The following BCL11A variants were observed in gnomAD, a reference collection of about 807,000 sequenced individuals.
BCL11A encodes the protein BCL11 transcription factor A, also known as B cell CLL/lymphoma 11A.
In BCL11A, 2 loss-of-function variants were observed where a neutral mutation model predicts 55.9. That is an observed-to-expected ratio of 0.04 (90% CI 0.01 to 0.11). The LOEUF is 0.11. Among genes scored for constraint, BCL11A ranks in the 10% least tolerant of loss-of-function variants. The probability of loss-of-function intolerance (pLI) is 1.00; values close to 1 mark genes in which losing one functional copy is unlikely to be tolerated. For synonymous variants in BCL11A, 465 were observed against 473.4 expected (o/e 0.98, Z 0.23); for missense variants, 817 against 1,137.1 (o/e 0.72, Z 4.05).
At chr2:60,509,208 C>G (rs865952181) in intron 2 of BCL11A, among the ~76,000 whole-genome samples, 1 of 152,224 alleles carries the variant, frequency 6.6e-6, no homozygotes, top group African/African-American at 2.4e-5. Context: ...CTTTGGCTGG[C>G]TTGGATGTTA....
At chr2:60,545,734 G>A (rs1187909843) in intron 2 of BCL11A, 2 of 503,166 alleles carry the variant, frequency 4.0e-6, no homozygotes, top group Non-Finnish European at 7.1e-6. Context: ...CAGAGAGAAG[G>A]TGTCTGATGT....
chr2:60,550,374 A>G (rs1348752656), intron 1 of BCL11A, among the ~76,000 whole-genome samples: 3 of 152,164 alleles, frequency 2.0e-5, no homozygotes, highest in Admixed American at 6.5e-5. Flanking sequence ...GGGGAGAGAA[A>G]GGGAATTCTG....
Position 60,457,502 on chromosome 2 carries a change from T to C in BCL11A, c.*2902A>G. ...TTCAAGTTACGACAAACAGCTTTCA[T>C]TACAGGAATAGAAAAGGCCAATAAC... On this transcript the variant is annotated 3_prime_UTR_variant, in exon 4 of 4. Transcript: ENST00000642384. 1 of 1,044,496 alleles carries C rather than the reference T, an allele frequency of 9.6e-7. No individual in the cohort carries two copies. Among genetic ancestry groups the C allele is most frequent in the Non-Finnish European group, 1.2e-6 (1 of 865,832 alleles). 64.7% of individuals were successfully genotyped at this position (1,044,496 alleles called of 1,614,324 possible).
chr2:60,491,398 C>A (rs1277317158), intron 2 of BCL11A, among the ~76,000 whole-genome samples: 1 of 152,132 alleles, frequency 6.6e-6, no homozygotes, highest in Admixed American at 6.5e-5. Context: ...CCCGGCCAGG[C>A]GCTGTGGCTC....
chr2:60,480,866 C>T (rs905155750), intron 2 of BCL11A, among the ~76,000 whole-genome samples: 1 of 152,132 alleles, frequency 6.6e-6, no homozygotes, highest in African/African-American at 2.4e-5. Flanking sequence ...CCTGCACCCC[C>T]ATCTCTGTCC....
intron 2 of BCL11A, among the ~76,000 whole-genome samples, chr2:60,512,999 G>A (rs991399785): frequency 1.3e-5 from 2 of 152,036 alleles, no homozygotes; most frequent in East Asian, 3.9e-4. Context: ...AACAGCTGAC[G>A]AGTCACAGTG....
chr2:60,506,720 C>T (rs766829824), intron 2 of BCL11A, among the ~76,000 whole-genome samples: 4 of 152,236 alleles, frequency 2.6e-5, no homozygotes, highest in Admixed American at 6.5e-5. Context: ...CATGTTTCCT[C>T]CTAAACGCCT....
intron 3 of BCL11A, among the ~76,000 whole-genome samples, chr2:60,463,922 GA>G (rs5831583): frequency 0.52 from 75,166 of 145,526 alleles, 19,193 homozygotes; most frequent in East Asian, 0.76. Context: ...TTCTAAGAAG[GA>G]AAAAAAAAAA....
At chr2:60,463,057 G>A (rs1164808836) in intron 3 of BCL11A, among the ~76,000 whole-genome samples, 1 of 152,172 alleles carries the variant, frequency 6.6e-6, no homozygotes, top group African/African-American at 2.4e-5. Context: ...AAATACTTCC[G>A]TGGAAAAAAG....
intron 2 of BCL11A, chr2:60,544,798 C>T (rs1361738286): frequency 6.6e-6 from 1 of 152,256 alleles, no homozygotes; most frequent in African/African-American, 2.4e-5. Flanking sequence ...CACCAACAGG[C>T]ATGGCATGTC....
At position 60,460,265 on chromosome 2, in the gene BCL11A, C is replaced by CTGTT. The variant is rs201706698; in HGVS notation, c.*135_*138dup. 23,964 of 1,423,622 alleles carry CTGTT rather than the reference C, an allele frequency of 0.017. 229 individuals are homozygous for CTGTT. The highest frequency in any genetic ancestry group is 0.019 in the Non-Finnish European group (20,711 of 1,089,578). The allele number at this position is 1,423,622 out of a possible 1,614,324, so 88.2% of individuals were successfully genotyped here. On this transcript the variant is annotated 3_prime_UTR_variant, in exon 4 of 4. Coordinates refer to ENST00000642384, the MANE Select transcript of BCL11A (RefSeq NM_022893.4). ...TCTCATATTCTTAGCTTCGTTACTT[C>CTGTT]TGTTTGTTTGTTTGTTTGTTTAAAT...
intron 1 of BCL11A, among the ~76,000 whole-genome samples, chr2:60,552,766 T>C (rs1187710601): frequency 1.4e-5 from 2 of 145,292 alleles, no homozygotes; most frequent in African/African-American, 5.0e-5. Flanking sequence ...ACTCCCTCCC[T>C]ACCCCCCCAT....
intron 1 of BCL11A, among the ~76,000 whole-genome samples, chr2:60,550,106 G>C (rs1288059998): frequency 1.3e-5 from 2 of 152,054 alleles, no homozygotes; most frequent in East Asian, 1.9e-4. Context: ...AAGAAGTGAG[G>C]CTGGAGACCA....
intron 2 of BCL11A, among the ~76,000 whole-genome samples, chr2:60,504,546 G>GA (rs1384463428): frequency 1.3e-5 from 2 of 152,144 alleles, no homozygotes; most frequent in Non-Finnish European, 2.9e-5. Flanking sequence ...GGGACACCCA[G>GA]AAAAAATAAT....
At chr2:60,528,649 G>C (rs1179802404) in intron 2 of BCL11A, 2 of 152,340 alleles carry the variant, frequency 1.3e-5, no homozygotes, top group African/African-American at 4.8e-5. Context: ...GTAGCAGAGG[G>C]TGGCGGCCGC....
In BCL11A at chr2:60,539,561, A is replaced by T. The variant is rs764963544; in HGVS notation, c.385+6410T>A. Among the ~76,000 whole-genome samples the T allele has an allele frequency of 2.8e-4, 43 of 152,368 alleles. 1 individual carries two copies. Among genetic ancestry groups the T allele is most frequent in the Admixed American group, 1.9e-3 (29 of 15,310 alleles). ...CAAATTCCAATGAACCCAATATGGA[A>T]TAAGTTACATTTTAAAACTGATTAG... is the stretch of plus-strand genomic sequence containing the variant. On this transcript the variant is annotated intron_variant, in intron 2 of 3. Coordinates refer to ENST00000642384, the MANE Select transcript of BCL11A (RefSeq NM_022893.4).
rs1230103288 is a variant in BCL11A at position 60,467,885 on chromosome 2, G to GTAA, written c.487+846_487+847insTTA. On this transcript the variant is annotated intron_variant, in intron 3 of 3. Transcript: ENST00000642384. ...GATGGTACTGGTGGTGATGGTGGTGGTGGTAGTGATGGTGGTGGTAATGGT... is the reference window on the plus strand; with the variant it reads ...GATGGTACTGGTGGTGATGGTGGTGGTAATGGTAGTGATGGTGGTGGTAATGGT... Among the ~76,000 whole-genome samples, 10 of 118,416 alleles carry GTAA rather than the reference G, an allele frequency of 8.4e-5. No homozygotes were observed. In the East Asian group the frequency reaches 1.3e-3, roughly 16 times the overall value. The allele number at this position is 118,416 out of a possible 152,430, so 77.7% of individuals were successfully genotyped here. A position where few individuals can be genotyped will look rare whatever the true frequency, so the allele number is the denominator to read the frequency against.
At chr2:60,539,330 A>G (rs1306364640) in intron 2 of BCL11A, among the ~76,000 whole-genome samples, 1 of 152,214 alleles carries the variant, frequency 6.6e-6, no homozygotes, top group African/African-American at 2.4e-5. Flanking sequence ...AAGCTCACCT[A>G]TTCCCTGCTG....
Position 60,458,417 on chromosome 2 carries a change from G to T in BCL11A, c.*1987C>A. 2 of 1,019,020 alleles carry T rather than the reference G, an allele frequency of 2.0e-6. No homozygotes were observed. Among genetic ancestry groups the T allele is most frequent in the Non-Finnish European group, 2.4e-6 (2 of 849,114 alleles). 63.1% of individuals were successfully genotyped at this position (1,019,020 alleles called of 1,614,324 possible). ...AGTTCCCCCCTAAACATAATGAAGT[G>T]TTTTTTAAAAAAAATTTTTCTTAAC... On this transcript the variant is annotated 3_prime_UTR_variant, in exon 4 of 4. Coordinates refer to ENST00000642384, the MANE Select transcript of BCL11A (RefSeq NM_022893.4).
Sources: allele counts gnomAD v4.1 joint callset (sites outside exome capture counted in the v4.1 genomes callset), GRCh38; gene constraint gnomAD v4.1.1; transcripts MANE v1.5; gene names NCBI Gene and HGNC (gene_info 2026-07-23, HGNC 2026-07-21).